COBL: variants seen among roughly 807,000 people sequenced by gnomAD.
COBL encodes cordon-bleu WH2 repeat protein.
Under a neutral mutation model 98.8 loss-of-function variants are expected in COBL, and 51 were observed. The ratio of observed to expected loss-of-function variants is 0.52; its 90% CI spans 0.41 to 0.65. COBL has a LOEUF of 0.65. Ranked by LOEUF, COBL falls within the 30% of genes least tolerant of loss-of-function variation. The pLI is 0.00. For missense variants in COBL, 1,617 were observed against 1,617.5 expected (o/e 1.00, Z 0.01); for synonymous variants, 634 against 651.7 (o/e 0.97, Z 0.41).
chr7:51,141,079 G>T lies in COBL; in HGVS notation c.784-4748C>A, dbSNP rs557715831. Reference sequence around the variant, plus strand: ...CTGTACTGCACAATACACTTCCAGGGACAAACAGGAGATGCTGTACCTGAA... The same window carrying T: ...CTGTACTGCACAATACACTTCCAGGTACAAACAGGAGATGCTGTACCTGAA... On this transcript the variant is annotated intron_variant, in intron 5 of 12. Transcript: ENST00000265136. Among the ~76,000 whole-genome samples, 8 of 151,656 alleles carry T rather than the reference G, an allele frequency of 5.3e-5. No individual in the cohort carries two copies. The East Asian group carries it at 1.4e-3, about 26-fold the overall frequency.
In COBL at chr7:51,017,392, G is replaced by T; in HGVS notation, c.*159C>A. On this transcript the variant is annotated 3_prime_UTR_variant, in exon 13 of 13. Coordinates refer to ENST00000265136, the MANE Select transcript of COBL (RefSeq NM_015198.5). ...ACAGCATCTTCTCCTTTCCTTTCAA[G>T]CCGTTATACAGGAACACACCGAAAA... The T allele has an allele frequency of 1.4e-6, 1 of 703,122 alleles. No homozygotes were observed. Among genetic ancestry groups the T allele is most frequent in the Non-Finnish European group, 2.5e-6 (1 of 394,008 alleles). The allele number at this position is 703,122 out of a possible 1,614,324, so 43.6% of individuals were successfully genotyped here.
At position 51,026,619 on chromosome 7, in the gene COBL, G is replaced by A. The variant is rs560605488; in HGVS notation, c.3431C>T (p.Thr1144Met). Residue 1144 changes from threonine (T) to methionine (M), a missense_variant, in exon 11 of 13, where the codon ACG becomes ATG. Around this residue, in one of 3 missense-constraint regions of COBL, gnomAD observed 1,304 missense variants for 1,282.0 expected, o/e 1.02. Coordinates refer to ENST00000265136, the MANE Select transcript of COBL (RefSeq NM_015198.5). Reference protein sequence around the residue: ...GEGRPAKLSYTEAEGERSALL... With the variant: ...GEGRPAKLSYMEAEGERSALL... ...TGCAGATCGTTCGCCCTCTGCCTCC[G>A]TGTAGGACAGTTTCGCTGGCCTGCC... The A allele has an allele frequency of 5.3e-5, 86 of 1,614,080 alleles. No individual in the cohort carries two copies. Among genetic ancestry groups the A allele is most frequent in the Non-Finnish European group, 6.8e-5 (80 of 1,180,028 alleles).
chr7:51,291,924 G>C (rs1158647859), intron 1 of COBL, among the ~76,000 whole-genome samples: 1 of 152,142 alleles, frequency 6.6e-6, no homozygotes, highest in East Asian at 1.9e-4. Context: ...ATTGCTGGGA[G>C]GCTGAAACAG....
intron 5 of COBL, among the ~76,000 whole-genome samples, chr7:51,183,696 CA>C (rs1462830507): frequency 1.3e-5 from 2 of 152,244 alleles, no homozygotes; most frequent in African/African-American, 2.4e-5. Flanking sequence ...GCATAAGCTA[CA>C]GTTCACTGAT....
chr7:51,060,405 G>A (rs934235303), intron 7 of COBL, among the ~76,000 whole-genome samples: 1 of 152,188 alleles, frequency 6.6e-6, no homozygotes, highest in African/African-American at 2.4e-5. Flanking sequence ...CCAGCCAAAG[G>A]AGTGCAGCAA....
At chr7:51,184,343 A>G (rs1789279588) in intron 4 of COBL, 144 bp from the exon 5 acceptor site, 1 of 538,756 alleles carries the variant, frequency 1.9e-6, no homozygotes. Flanking sequence ...TATTTCTTTC[A>G]AAGCTGTCCG....
At chr7:51,166,209 C>T (rs568694188) in intron 5 of COBL, among the ~76,000 whole-genome samples, 5 of 151,648 alleles carry the variant, frequency 3.3e-5, no homozygotes, top group South Asian at 4.2e-4. Flanking sequence ...ATTGACAAAC[C>T]TTCAGCCAGA....
At chr7:51,197,296 A>G (rs1790683730) in intron 2 of COBL, among the ~76,000 whole-genome samples, 1 of 152,058 alleles carries the variant, frequency 6.6e-6, no homozygotes, top group Non-Finnish European at 1.5e-5. Context: ...GTAAGTCAGG[A>G]GCAGATTATT....
intron 1 of COBL, among the ~76,000 whole-genome samples, chr7:51,254,777 G>A (rs938841617): frequency 6.6e-6 from 1 of 152,166 alleles, no homozygotes; most frequent in African/African-American, 2.4e-5. Context: ...ACCTCATGAA[G>A]GGGACTGCAT....
chr7:51,182,053 AT>A, intron 5 of COBL, among the ~76,000 whole-genome samples: 1 of 152,202 alleles, frequency 6.6e-6, no homozygotes, highest in African/African-American at 2.4e-5. Context: ...TTTTCTGGCC[AT>A]TTCATCTTTT....
chr7:51,260,966 A>T lies in COBL; in HGVS notation c.42-41022T>A, dbSNP rs151182975. ...CAAAACCTTCTGAGGGCATCTCATG[A>T]ACTTTATAAACCTCCATACCCCTTC... is the stretch of plus-strand genomic sequence containing the variant. On this transcript the variant is annotated intron_variant, in intron 1 of 12. Transcript: ENST00000265136. Among the ~76,000 whole-genome samples the T allele has an allele frequency of 5.3e-5, 8 of 152,204 alleles. No homozygotes were observed. The East Asian group carries it at 1.5e-3, about 29-fold the overall frequency.
chr7:51,058,132 T>C (rs1344991823), intron 7 of COBL, among the ~76,000 whole-genome samples: 1 of 152,186 alleles, frequency 6.6e-6, no homozygotes, highest in Non-Finnish European at 1.5e-5. Flanking sequence ...TAGAAGCTTT[T>C]TGGATAAACG....
At position 51,087,230 on chromosome 7, in the gene COBL, T is replaced by G. The variant is rs142437680; in HGVS notation, c.958-1926A>C. ...GCAAAAGATTTAAATTAATATTTAC[T>G]ATTTAGTTATATATATTTAGTTATA... On this transcript the variant is annotated intron_variant, in intron 6 of 12. Transcript: ENST00000265136. Among the ~76,000 whole-genome samples, 26 of 152,210 alleles carry G rather than the reference T, an allele frequency of 1.7e-4. No individual in the cohort carries two copies. In the East Asian group the frequency reaches 4.2e-3, roughly 25 times the overall value.
intron 1 of COBL, among the ~76,000 whole-genome samples, chr7:51,285,999 T>C (rs1800324685): frequency 6.6e-6 from 1 of 152,178 alleles, no homozygotes; most frequent in African/African-American, 2.4e-5. Flanking sequence ...AAGACAGTCT[T>C]TTCAACAAAT....
At chr7:51,072,008 TTA>T (rs936465002) in intron 7 of COBL, 3 of 152,230 alleles carry the variant, frequency 2.0e-5, no homozygotes, top group African/African-American at 7.2e-5. Flanking sequence ...ACTAAATTGG[TTA>T]TATATAGCTT....
chr7:51,023,215 T>C (rs1787115970), intron 12 of COBL, among the ~76,000 whole-genome samples: 1 of 152,184 alleles, frequency 6.6e-6, no homozygotes, highest in Non-Finnish European at 1.5e-5. Flanking sequence ...TTCTTCACTT[T>C]TCCCTCATTT....
intron 1 of COBL, among the ~76,000 whole-genome samples, chr7:51,270,822 T>TA (rs917526305): frequency 1.6e-4 from 24 of 148,650 alleles, no homozygotes; most frequent in African/African-American, 3.0e-4. Context: ...TTATTCGACT[T>TA]AAAAAAAAAT....
At chr7:51,094,904 T>A (rs891928254) in intron 6 of COBL, among the ~76,000 whole-genome samples, 1 of 152,198 alleles carries the variant, frequency 6.6e-6, no homozygotes, top group Admixed American at 6.5e-5. Flanking sequence ...AAACAGCTTT[T>A]GTATGTTACT....
intron 1 of COBL, among the ~76,000 whole-genome samples, chr7:51,220,508 G>A (rs933119518): frequency 6.6e-6 from 1 of 152,188 alleles, no homozygotes; most frequent in African/African-American, 2.4e-5. Context: ...GGGAAAGGAT[G>A]CGGGTGATGG....
Sources: allele counts gnomAD v4.1 joint callset (sites outside exome capture counted in the v4.1 genomes callset), GRCh38; gene constraint gnomAD v4.1.1; regional missense constraint gnomAD v4.1.1; transcripts MANE v1.5; gene names NCBI Gene and HGNC (gene_info 2026-07-23, HGNC 2026-07-21).